The following TBR1 variants were observed in gnomAD, a reference collection of about 807,000 sequenced individuals.
TBR1 encodes T-box brain transcription factor 1.
In TBR1, 7 loss-of-function variants were observed where a neutral mutation model predicts 60.3. That is an observed-to-expected ratio of 0.12 (90% CI 0.07 to 0.22). TBR1 has a LOEUF of 0.22. Among genes scored for constraint, TBR1 ranks in the 10% least tolerant of loss-of-function variants. The probability of loss-of-function intolerance (pLI) is 1.00; values close to 1 mark genes in which losing one functional copy is unlikely to be tolerated. For missense variants in TBR1, 616 were observed against 936.8 expected (o/e 0.66, Z 4.47); for synonymous variants, 417 against 409.9 (o/e 1.02, Z -0.21).
At chr2:161,420,418 CTTTTTTTT>C (rs67826360) in intron 5 of TBR1, 161 bp downstream of exon 5, 29 of 95,428 alleles carry the variant, frequency 3.0e-4, no homozygotes, top group African/African-American at 7.0e-4. Context: ...TCTTCCTCTT[CTTTTTTTT>C]TTTTTTTTTT....
At position 161,417,617 on chromosome 2, in the gene TBR1, CTTTAACA is replaced by C; in HGVS notation, c.693-54_693-48del. 1 of 1,571,344 alleles carries C rather than the reference CTTTAACA, an allele frequency of 6.4e-7. No individual in the cohort carries two copies. Among genetic ancestry groups the C allele is most frequent in the Non-Finnish European group, 8.6e-7 (1 of 1,160,810 alleles). ...TGGCGCCCCGCTTCTTGCATTTAAT[CTTTAACA>C]TTTATGTTTCTTTTTTCCTTGTTTT... On this transcript the variant is annotated intron_variant, in intron 1 of 5. Coordinates refer to ENST00000389554, the MANE Select transcript of TBR1 (RefSeq NM_006593.4). This position sits in a 1 kb window ranked among gnomAD's most constrained non-coding sequence, Gnocchi z 5.3.
chr2:161,418,835 C>A (rs1574150137), intron 3 of TBR1, 57 bp from the exon 4 acceptor site: 3 of 1,577,714 alleles, frequency 1.9e-6, no homozygotes, highest in Middle Eastern at 1.9e-4. Flanking sequence ...CACAGCCACG[C>A]GCACAGCGAC....
At position 161,423,907 on chromosome 2, in the gene TBR1, G is replaced by C; in HGVS notation, c.1729G>C (p.Gly577Arg). ...NSAAAAARMA[G>R]ANPYLGEEAE... ...CGCCGCGGCCGCCGCGCGCATGGCCGGCGCCAATCCCTACCTGGGCGAGGA... is the reference window on the plus strand; with the variant it reads ...CGCCGCGGCCGCCGCGCGCATGGCCCGCGCCAATCCCTACCTGGGCGAGGA... Residue 577 changes from glycine to arginine, a missense_variant, in exon 6 of 6, where the codon GGC becomes CGC. Physicochemically the swap from Gly to Arg is moderately radical, Grantham distance 125 (BLOSUM62 -2). Around this residue, in one of 8 missense-constraint regions of TBR1, gnomAD observed 210 missense variants for 297.4 expected, o/e 0.71. Transcript: ENST00000389554. 1.4e-6 allele frequency: 2 copies of C among 1,416,346 alleles called. No homozygotes were observed. Among genetic ancestry groups the C allele is most frequent in the Non-Finnish European group, 1.8e-6 (2 of 1,086,964 alleles). 87.7% of individuals were successfully genotyped at this position (1,416,346 alleles called of 1,614,324 possible).
At chr2:161,422,518 C>A (rs1255684709) in intron 5 of TBR1, 1 of 152,168 alleles carries the variant, frequency 6.6e-6, no homozygotes, top group Non-Finnish European at 1.5e-5. Flanking sequence ...TATTAGTGGT[C>A]CATTGCATGG....
In TBR1 at chr2:161,424,630, C is replaced by A. The variant is rs1419732581; in HGVS notation, c.*403C>A. The A allele has an allele frequency of 1.1e-5, 2 of 174,200 alleles. No homozygotes were observed. The highest frequency in any genetic ancestry group is 1.2e-4 in the Admixed American group (2 of 16,976). 10.8% of individuals were successfully genotyped at this position (174,200 alleles called of 1,614,324 possible). ...CCGACCCGCCAAGTCTCGGCCTCCA[C>A]ATTAACCATAGGATGTTGACTCTAG... On this transcript the variant is annotated 3_prime_UTR_variant, in exon 6 of 6. Coordinates refer to ENST00000389554, the MANE Select transcript of TBR1 (RefSeq NM_006593.4). The surrounding 1 kb of genome is among the most constrained non-coding windows in gnomAD (Gnocchi z 4.4).
chr2:161,420,412 C>A, intron 5 of TBR1, 155 bp downstream of exon 5: 1 of 321,514 alleles, frequency 3.1e-6, no homozygotes, highest in Non-Finnish European at 5.5e-6. Context: ...CTTTCTTCTT[C>A]CTCTTCTTTT....
chr2:161,418,369 T>C (rs755835874), intron 3 of TBR1, 47 bp downstream of exon 3: 1 of 1,590,670 alleles, frequency 6.3e-7, no homozygotes, highest in Non-Finnish European at 8.6e-7. Context: ...CACCCCTTCC[T>C]CCCTGACATC....
Position 161,424,567 on chromosome 2 carries a change from T to G in TBR1, c.*340T>G. ...TTTCTTGTAATGAAACTCTTCACCT[T>G]TAGGAGACCTGGGCAGTCCTGTCAG... On this transcript the variant is annotated 3_prime_UTR_variant, in exon 6 of 6. Coordinates refer to ENST00000389554, the MANE Select transcript of TBR1 (RefSeq NM_006593.4). The surrounding 1 kb of genome is among the most constrained non-coding windows in gnomAD (Gnocchi z 4.4). 1 of 231,024 alleles carries G rather than the reference T, an allele frequency of 4.3e-6. No homozygotes were observed. 14.3% of individuals were successfully genotyped at this position (231,024 alleles called of 1,614,324 possible).
At chr2:161,420,490 GT>G in intron 5 of TBR1, 1 of 272,934 alleles carries the variant, frequency 3.7e-6, no homozygotes, top group East Asian at 6.8e-5. Flanking sequence ...TACTTGCGTG[GT>G]TTTTGGTCAG....
intron 3 of TBR1, 83 bp from the exon 4 acceptor site, chr2:161,418,807 GGC>G: frequency 8.6e-6 from 13 of 1,507,334 alleles, no homozygotes; most frequent in Non-Finnish European, 1.1e-5. Flanking sequence ...CGCCGGCCCG[GGC>G]GCGCAGCCGG....
chr2:161,418,337 C>G lies in TBR1; in HGVS notation c.969+15C>G, dbSNP rs1355188847. 6.2e-7 allele frequency: 1 copy of G among 1,610,042 alleles called. No individual in the cohort carries two copies. On this transcript the variant is annotated intron_variant, in intron 3 of 5. Coordinates refer to ENST00000389554, the MANE Select transcript of TBR1 (RefSeq NM_006593.4). The stretch of plus-strand genomic sequence containing the variant: ...ACAATGGGCAGGTCAGTGGCTCAAG[C>G]GCTCGTGTTTTCTCTCTCTCTCACC...
rs1174577099 is a variant in TBR1, at chr2:161,416,419, G to T, written c.9G>T (p.Leu3=). The T allele has an allele frequency of 6.3e-7, 1 of 1,591,930 alleles. No individual in the cohort carries two copies. Among genetic ancestry groups the T allele is most frequent in the Admixed American group, 1.7e-5 (1 of 58,408 alleles). The change falls in exon 1 of 6, where the codon CTG becomes CTT. Residue 3 remains leucine (L), a synonymous_variant. Coordinates refer to ENST00000389554, the MANE Select transcript of TBR1 (RefSeq NM_006593.4). The surrounding 1 kb of genome is among the most constrained non-coding windows in gnomAD (Gnocchi z 6.1). ...GTTCAGGTTCTAGAGCTATGCAGCT[G>T]GAGCACTGCCTTTCTCCTTCTATCA... MQ[L]EHCLSPSIML...
chr2:161,424,048 A>G lies in TBR1; in HGVS notation c.1870A>G (p.Ile624Val), dbSNP rs1486260276. 61 of 1,607,280 alleles carry G rather than the reference A, an allele frequency of 3.8e-5. No individual in the cohort carries two copies. The highest frequency in any genetic ancestry group is 5.2e-5 in the Non-Finnish European group (61 of 1,177,342). The change falls in exon 6 of 6, where the codon ATC becomes GTC. Residue 624 changes from isoleucine (I) to valine (V), a missense_variant. By Grantham distance (29) the Ile-to-Val change is conservative. Transcript: ENST00000389554. This position sits in a 1 kb window ranked among gnomAD's most constrained non-coding sequence, Gnocchi z 4.4. ...WIETPSSIKSIDSSDSGIYEQ... is the reference protein window; with the variant it reads ...WIETPSSIKSVDSSDSGIYEQ... ...CGAGACGCCCTCCTCGATCAAGTCC[A>G]TCGACTCCAGCGACTCGGGGATTTA...
chr2:161,419,035 C>T lies in TBR1; in HGVS notation c.1113C>T (p.Ala371=). Residue 371 remains alanine (A), a synonymous_variant, in exon 4 of 6, where the codon GCC becomes GCT. Transcript: ENST00000389554. The part of the protein sequence containing the change: ...FPETQFIAVT[A]YQNTDITQLK... ...AGACTCAGTTCATCGCCGTCACCGC[C>T]TACCAGAACACGGATGTAAGGAGAC... is the stretch of plus-strand genomic sequence containing the variant. 6.2e-7 allele frequency: 1 copy of T among 1,614,232 alleles called. No individual in the cohort carries two copies. Among genetic ancestry groups the T allele is most frequent in the Non-Finnish European group, 8.5e-7 (1 of 1,180,036 alleles).
chr2:161,420,335 G>A, intron 5 of TBR1, 78 bp downstream of exon 5: 1 of 1,163,628 alleles, frequency 8.6e-7, no homozygotes, highest in Non-Finnish European at 1.2e-6. Flanking sequence ...TATGTACAAG[G>A]ATTTTGAAAG....
chr2:161,422,184 CTGT>C (rs1418184672), intron 5 of TBR1: 20 of 152,338 alleles, frequency 1.3e-4, no homozygotes, highest in South Asian at 4.1e-4. Context: ...TCAAAACAGT[CTGT>C]TGACTAAAGA....
At chr2:161,419,982 G>T (rs989752341) in intron 4 of TBR1, 1 of 372,918 alleles carries the variant, frequency 2.7e-6, no homozygotes, top group Non-Finnish European at 4.9e-6. Context: ...TTGGCTATAG[G>T]TATCATTAAT....
chr2:161,423,263 G>C (rs988105534), intron 5 of TBR1, 106 bp from the exon 6 acceptor site: 12 of 811,942 alleles, frequency 1.5e-5, no homozygotes, highest in Non-Finnish European at 2.1e-5. Flanking sequence ...GGAGGGTGTG[G>C]GGGTGGGCGA....
chr2:161,419,102 C>T, intron 4 of TBR1, 52 bp downstream of exon 4: 1 of 1,610,304 alleles, frequency 6.2e-7, no homozygotes, highest in Non-Finnish European at 8.5e-7. Context: ...ACATCTCTCC[C>T]ACCCTCTCAC....
Sources: gnomAD v4.1 joint callset for allele counts on GRCh38, gnomAD v4.1.1 for gene constraint, gnomAD v4.1.1 regional missense constraint, Gnocchi (gnomAD v3.1) non-coding constraint, MANE v1.5 for transcripts, NCBI Gene and HGNC (gene_info 2026-07-23, HGNC 2026-07-21) for gene names.